EPHA5: variants seen among roughly 807,000 people sequenced by gnomAD.
EPHA5 encodes ephrin type-A receptor 5.
Under a neutral mutation model 105.0 loss-of-function variants are expected in EPHA5, and 60 were observed. The ratio of observed to expected loss-of-function variants is 0.57; its 90% confidence interval spans 0.46 to 0.71. EPHA5 has a LOEUF of 0.71. Ranked by LOEUF, EPHA5 falls within the 30% of genes least tolerant of loss-of-function variation. EPHA5 has a pLI of 0.00. For synonymous variants in EPHA5, 513 were observed against 449.1 expected (o/e 1.14, Z -1.80); for missense variants, 1,218 against 1,274.7 (o/e 0.96, Z 0.68).
chr4:65,634,288 A>G (rs536439396), intron 2 of EPHA5, among the ~76,000 whole-genome samples: 1 of 152,118 alleles, frequency 6.6e-6, no homozygotes, highest in Admixed American at 6.6e-5. Flanking sequence ...ACACAGTGAT[A>G]CCTAATGAAG....
intron 3 of EPHA5, among the ~76,000 whole-genome samples, chr4:65,500,829 A>G (rs1732414183): frequency 6.6e-6 from 1 of 150,842 alleles, no homozygotes; most frequent in Non-Finnish European, 1.5e-5. Flanking sequence ...GTGCGTATAT[A>G]TATATATATA....
At chr4:65,463,378 A>C (rs2149135626) in intron 5 of EPHA5, among the ~76,000 whole-genome samples, 1 of 152,304 alleles carries the variant, frequency 6.6e-6, no homozygotes, top group East Asian at 1.9e-4. Context: ...CATTTTGTTC[A>C]AACTGGATTT....
intron 11 of EPHA5, among the ~76,000 whole-genome samples, chr4:65,355,016 G>T (rs1455955902): frequency 2.0e-5 from 3 of 151,772 alleles, no homozygotes; most frequent in African/African-American, 7.2e-5. Context: ...CAGGTTTGTA[G>T]ATGCCTATGT....
At chr4:65,468,008 AAC>A (rs1250586835) in intron 5 of EPHA5, among the ~76,000 whole-genome samples, 4 of 152,192 alleles carry the variant, frequency 2.6e-5, no homozygotes. Flanking sequence ...TCCGAAGAGA[AAC>A]ACAGTCCTGC....
At chr4:65,613,041 C>A (rs1411619871) in intron 2 of EPHA5, among the ~76,000 whole-genome samples, 1 of 151,960 alleles carries the variant, frequency 6.6e-6, no homozygotes, top group African/African-American at 2.4e-5. Flanking sequence ...CATCTTGGGT[C>A]CATTTTAATA....
At chr4:65,513,059 T>C (rs1733773782) in intron 3 of EPHA5, among the ~76,000 whole-genome samples, 1 of 152,154 alleles carries the variant, frequency 6.6e-6, no homozygotes, top group South Asian at 2.1e-4. Flanking sequence ...AATTATTATG[T>C]GGTTTGGACA....
chr4:65,559,667 T>C (rs1321475486), intron 3 of EPHA5, among the ~76,000 whole-genome samples: 1 of 152,132 alleles, frequency 6.6e-6, no homozygotes, highest in Non-Finnish European at 1.5e-5. Flanking sequence ...CATGAGCTTA[T>C]GTGAAAATCC....
intron 2 of EPHA5, among the ~76,000 whole-genome samples, chr4:65,610,030 T>C (rs529134353): frequency 1.3e-5 from 2 of 152,188 alleles, no homozygotes; most frequent in East Asian, 1.9e-4. Flanking sequence ...AAAAGACATA[T>C]GAACTCATAT....
intron 2 of EPHA5, among the ~76,000 whole-genome samples, chr4:65,642,826 T>G (rs1012925188): frequency 2.6e-5 from 4 of 152,036 alleles, no homozygotes; most frequent in East Asian, 1.9e-4. Flanking sequence ...ATTGCATGTG[T>G]ACATGATATT....
intron 3 of EPHA5, among the ~76,000 whole-genome samples, chr4:65,587,355 C>A (rs1190544911): frequency 3.3e-5 from 5 of 151,952 alleles, no homozygotes; most frequent in Non-Finnish European, 5.9e-5. Context: ...AAAACAAAAA[C>A]AACAAACAAA....
At chr4:65,500,216 C>T (rs1732340089) in intron 3 of EPHA5, among the ~76,000 whole-genome samples, 3 of 151,404 alleles carry the variant, frequency 2.0e-5, no homozygotes, top group East Asian at 1.9e-4. Context: ...GATGTCTGTA[C>T]ATTACCTAAA....
intron 8 of EPHA5, among the ~76,000 whole-genome samples, chr4:65,389,576 G>T (rs1233484031): frequency 6.6e-6 from 1 of 151,938 alleles, no homozygotes; most frequent in South Asian, 2.1e-4. Flanking sequence ...ATTCAACATG[G>T]ATAATAGATT....
chr4:65,465,165 C>T (rs550179774), intron 5 of EPHA5, among the ~76,000 whole-genome samples: 16 of 152,042 alleles, frequency 1.1e-4, no homozygotes, highest in African/African-American at 3.4e-4. Flanking sequence ...AAGCCAGGAG[C>T]GGTGGCTCAC....
rs774423059 is a variant in EPHA5, at chr4:65,353,077, A to G, written c.2200T>C (p.Tyr734His). The G allele has an allele frequency of 1.3e-6, 2 of 1,563,304 alleles. No homozygotes were observed. Among genetic ancestry groups the G allele is most frequent in the South Asian group, 2.4e-5 (2 of 82,190 alleles). ...KSKPVMIVTE[Y>H]MENGSLDTFL... ...GTATCTAAAGAGCCATTCTCCATAT[A>G]CTCTGTCACGATCATCACTGGTTTA... Residue 734 changes from tyrosine (Y) to histidine (H), a missense_variant, in exon 12 of 17, where the codon TAT becomes CAT. Tyr to His is a moderately conservative substitution (Grantham distance 83). Coordinates refer to ENST00000613740, the MANE Select transcript of EPHA5 (RefSeq NM_001281766.3).
intron 1 of EPHA5, among the ~76,000 whole-genome samples, chr4:65,663,519 C>T (rs1371818041): frequency 6.6e-6 from 1 of 151,900 alleles, no homozygotes; most frequent in Admixed American, 6.6e-5. Context: ...TTTCACCAGA[C>T]ACAATTCAAA....
intron 5 of EPHA5, among the ~76,000 whole-genome samples, chr4:65,458,684 T>A (rs747080878): frequency 6.6e-6 from 1 of 152,158 alleles, no homozygotes; most frequent in Non-Finnish European, 1.5e-5. Flanking sequence ...AAATTTTGAT[T>A]CATTTCTATT....
intron 15 of EPHA5, among the ~76,000 whole-genome samples, chr4:65,332,997 C>T (rs867096942): frequency 6.6e-6 from 1 of 151,612 alleles, no homozygotes; most frequent in African/African-American, 2.4e-5. Context: ...AATGTAACCC[C>T]AAATACAAAA....
Position 65,320,697 on chromosome 4 carries a change from T to C in EPHA5, c.*3417A>G, listed in dbSNP as rs1404074988. ...ATTAAGTAGAAGACATGAAAACACA[T>C]AAGTGCTCAAATGATATTAACTTTC... is the stretch of plus-strand genomic sequence containing the variant. On this transcript the variant is annotated 3_prime_UTR_variant, in exon 17 of 17. Coordinates refer to ENST00000613740, the MANE Select transcript of EPHA5 (RefSeq NM_001281766.3). The C allele has an allele frequency of 4.3e-6, 1 of 229,912 alleles. No individual in the cohort carries two copies. The highest frequency in any genetic ancestry group is 8.6e-6 in the Non-Finnish European group (1 of 115,966). 14.2% of individuals were successfully genotyped at this position (229,912 alleles called of 1,614,324 possible). A position where few individuals can be genotyped will look rare whatever the true frequency, so the allele number is the denominator to read the frequency against.
intron 3 of EPHA5, among the ~76,000 whole-genome samples, chr4:65,592,043 T>C (rs1450169713): frequency 6.6e-6 from 1 of 152,112 alleles, no homozygotes; most frequent in Non-Finnish European, 1.5e-5. Flanking sequence ...AAACATTTTG[T>C]ATTTGGCATG....
Sources: gnomAD v4.1 joint callset for allele counts (sites outside exome capture counted in the v4.1 genomes callset) on GRCh38, gnomAD v4.1.1 for gene constraint, MANE v1.5 for transcripts, NCBI Gene and HGNC (gene_info 2026-07-23, HGNC 2026-07-21) for gene names.